PARD3B: variants seen among roughly 807,000 people sequenced by gnomAD.
The protein encoded by PARD3B is par-3 family cell polarity regulator beta.
PARD3B carries 103 observed loss-of-function variants against 130.2 expected under a neutral mutation model. The ratio of observed to expected loss-of-function variants is 0.79; its 90% CI spans 0.67 to 0.93. The LOEUF (loss-of-function observed/expected upper bound fraction) is 0.93. PARD3B is among the 40% of genes least tolerant of loss of function. The pLI, the probability that PARD3B is intolerant of heterozygous loss-of-function variation, is 0.00. For synonymous variants in PARD3B, 583 were observed against 553.2 expected (o/e 1.05, Z -0.76); for missense variants, 1,609 against 1,499.2 (o/e 1.07, Z -1.21).
At chr2:205,278,303 A>G (rs541357635) in intron 16 of PARD3B, among the ~76,000 whole-genome samples, 1 of 152,214 alleles carries the variant, frequency 6.6e-6, no homozygotes, top group East Asian at 1.9e-4. Flanking sequence ...TAGAAGTGAG[A>G]GTACTTGCAG....
intron 1 of PARD3B, among the ~76,000 whole-genome samples, chr2:204,558,844 A>G (rs1049306151): frequency 4.6e-5 from 7 of 152,222 alleles, no homozygotes; most frequent in African/African-American, 1.4e-4. Flanking sequence ...CAAAACAGAG[A>G]TATAGACCAA....
At chr2:205,346,207 A>T (rs936558784) in intron 18 of PARD3B, among the ~76,000 whole-genome samples, 3 of 147,976 alleles carry the variant, frequency 2.0e-5, no homozygotes, top group African/African-American at 7.7e-5. Flanking sequence ...AAATAAATAA[A>T]TAAATAAATA....
intron 4 of PARD3B, among the ~76,000 whole-genome samples, chr2:205,083,558 T>C (rs1701563345): frequency 6.6e-6 from 1 of 151,998 alleles, no homozygotes; most frequent in Admixed American, 6.5e-5. Context: ...CTTTCATTTC[T>C]TTATGTTTAT....
intron 3 of PARD3B, among the ~76,000 whole-genome samples, chr2:205,039,561 C>T (rs1698249419): frequency 6.6e-6 from 1 of 151,998 alleles, no homozygotes; most frequent in Admixed American, 6.6e-5. Flanking sequence ...CCTCTGCCTC[C>T]CGGATTCAGG....
At chr2:205,180,717 C>T (rs1427247275) in intron 13 of PARD3B, among the ~76,000 whole-genome samples, 2 of 150,326 alleles carry the variant, frequency 1.3e-5, no homozygotes, top group Admixed American at 1.3e-4. Context: ...TTTTTTATTC[C>T]TGTCAAGCTG....
At chr2:204,927,373 G>A (rs1687701320) in intron 2 of PARD3B, among the ~76,000 whole-genome samples, 1 of 152,138 alleles carries the variant, frequency 6.6e-6, no homozygotes, top group Non-Finnish European at 1.5e-5. Context: ...ATGCAAGGGT[G>A]CAGCGAGAAG....
chr2:205,029,429 T>C (rs143766318), intron 3 of PARD3B, among the ~76,000 whole-genome samples: 38 of 152,310 alleles, frequency 2.5e-4, no homozygotes, highest in African/African-American at 6.5e-4. Flanking sequence ...TTGGAGTTCT[T>C]TGGAGGGAGT....
chr2:205,204,351 C>T (rs898354820), intron 15 of PARD3B, among the ~76,000 whole-genome samples: 13 of 152,140 alleles, frequency 8.5e-5, no homozygotes, highest in African/African-American at 3.1e-4. Context: ...GGATATTAGC[C>T]CTTTGTCAGA....
chr2:205,374,031 C>T (rs1218229674), intron 18 of PARD3B, among the ~76,000 whole-genome samples: 3 of 152,184 alleles, frequency 2.0e-5, no homozygotes, highest in Non-Finnish European at 4.4e-5. Flanking sequence ...CAGTAGCGAT[C>T]ATGAGAGTCT....
At chr2:205,532,848 C>A (rs1346657330) in intron 21 of PARD3B, among the ~76,000 whole-genome samples, 2 of 152,084 alleles carry the variant, frequency 1.3e-5, no homozygotes, top group African/African-American at 4.8e-5. Context: ...CCCTTCTCTG[C>A]GAATCATTCC....
At chr2:204,949,506 G>A (rs1480229413) in intron 2 of PARD3B, among the ~76,000 whole-genome samples, 1 of 151,902 alleles carries the variant, frequency 6.6e-6, no homozygotes, top group African/African-American at 2.4e-5. Context: ...ATTTCCTGTA[G>A]AGATGGGGTC....
chr2:205,440,290 A>G lies in PARD3B; in HGVS notation c.2742-80A>G, dbSNP rs2047665902. 7.3e-7 allele frequency: 1 copy of G among 1,378,082 alleles called. No individual in the cohort carries two copies. Among genetic ancestry groups the G allele is most frequent in the Admixed American group, 1.9e-5 (1 of 52,258 alleles). The allele number at this position is 1,378,082 out of a possible 1,614,324, so 85.4% of individuals were successfully genotyped here. Reference sequence around the variant, plus strand: ...ACAGCTAAGAGACGAGGAAGAGTTAACATAAATTCAAGAGAGTATTTCATT... The same window carrying G: ...ACAGCTAAGAGACGAGGAAGAGTTAGCATAAATTCAAGAGAGTATTTCATT... On this transcript the variant is annotated intron_variant, in intron 19 of 22. Coordinates refer to ENST00000406610, the MANE Select transcript of PARD3B (RefSeq NM_001302769.2). The surrounding 1 kb of genome is among the most constrained non-coding windows in gnomAD (Gnocchi z 4.2).
intron 15 of PARD3B, among the ~76,000 whole-genome samples, chr2:205,200,038 T>C (rs989230642): frequency 4.6e-5 from 7 of 152,160 alleles, no homozygotes; most frequent in African/African-American, 1.7e-4. Flanking sequence ...TGGTGTCTCC[T>C]TTCCTTTTTG....
intron 16 of PARD3B, among the ~76,000 whole-genome samples, chr2:205,270,736 C>A (rs981000179): frequency 3.4e-4 from 51 of 152,074 alleles, no homozygotes; most frequent in African/African-American, 1.1e-3. Flanking sequence ...CTCTGATTCT[C>A]TGGGATTCTT....
intron 2 of PARD3B, among the ~76,000 whole-genome samples, chr2:204,930,842 C>T (rs1687976297): frequency 6.6e-6 from 1 of 152,080 alleles, no homozygotes; most frequent in Non-Finnish European, 1.5e-5. Flanking sequence ...TCTCTTAGAT[C>T]AATAGCTTGT....
chr2:204,999,544 A>G (rs191880010), intron 3 of PARD3B, among the ~76,000 whole-genome samples: 54 of 152,286 alleles, frequency 3.5e-4, no homozygotes, highest in African/African-American at 1.1e-3. Flanking sequence ...AGCGCACCCA[A>G]TCTTTTCTAT....
intron 1 of PARD3B, among the ~76,000 whole-genome samples, chr2:204,625,917 A>G (rs935203250): frequency 6.6e-6 from 1 of 152,146 alleles, no homozygotes; most frequent in Non-Finnish European, 1.5e-5. Flanking sequence ...GCTTAAAATT[A>G]CAAAATTTGA....
chr2:204,926,954 T>C (rs570088974), intron 2 of PARD3B, among the ~76,000 whole-genome samples: 2 of 152,226 alleles, frequency 1.3e-5, no homozygotes, highest in South Asian at 4.1e-4. Flanking sequence ...CACAAATGAT[T>C]TTTATCACTG....
chr2:204,637,650 A>G (rs566227967), intron 1 of PARD3B, among the ~76,000 whole-genome samples: 23 of 152,044 alleles, frequency 1.5e-4, no homozygotes, highest in African/African-American at 5.5e-4. Context: ...TAGTATTTTT[A>G]TTACTCGTGA....
Sources: allele counts gnomAD v4.1 joint callset (sites outside exome capture counted in the v4.1 genomes callset), GRCh38; gene constraint gnomAD v4.1.1; non-coding constraint Gnocchi (gnomAD v3.1); transcripts MANE v1.5; gene names NCBI Gene and HGNC (gene_info 2026-07-23, HGNC 2026-07-21).